PRPS2: variants seen among roughly 807,000 people sequenced by gnomAD.
PRPS2 encodes the protein phosphoribosyl pyrophosphate synthetase 2.
For synonymous variants in PRPS2, 111 were observed against 115.3 expected (o/e 0.96, Z 0.24); for missense variants, 104 against 271.5 (o/e 0.38, Z 4.34).
chrX:12,822,789 C>T lies in PRPS2; in HGVS notation c.950C>T (p.Pro317Leu), dbSNP rs761409545. 6.6e-6 allele frequency: 8 copies of T among 1,206,051 alleles called. No individual in the cohort carries two copies. The highest frequency in any genetic ancestry group is 9.0e-6 in the Non-Finnish European group (8 of 891,438). The change falls in exon 7 of 7, where the codon CCG becomes CTG. Residue 317 changes from proline (P) to leucine (L), a missense_variant. Pro to Leu is a moderately conservative substitution (Grantham distance 98). Transcript: ENST00000380668. The part of the protein sequence containing the change: ...ESVSYLFSHV[P>L]L ...GTGTCCTACCTGTTCAGCCATGTCC[C>T]GCTATAAATCCAGAATGGGAAGTGT...
At chrX:12,818,672 A>G (rs1375330729) in intron 4 of PRPS2, among the ~76,000 whole-genome samples, 1 of 112,228 alleles carries the variant, frequency 8.9e-6, no homozygotes, top group Admixed American at 9.4e-5. Context: ...GCTAAATTGC[A>G]TAATGACTGT....
chrX:12,821,454 G>T (rs1284612003), intron 6 of PRPS2, among the ~76,000 whole-genome samples: 1 of 109,818 alleles, frequency 9.1e-6, no homozygotes, highest in Non-Finnish European at 1.9e-5. Context: ...CTGGGGGTGG[G>T]GGGGGCAGTG....
chrX:12,802,666 T>C (rs1697548281), intron 2 of PRPS2, among the ~76,000 whole-genome samples: 2 of 112,727 alleles, frequency 1.8e-5, no homozygotes, highest in Non-Finnish European at 3.7e-5. Flanking sequence ...GGAACTGTGT[T>C]GTCTAACTAG....
At chrX:12,820,565 G>A (rs748427791) in intron 5 of PRPS2, 79 bp from the exon 6 acceptor site, 2 of 1,032,359 alleles carry the variant, frequency 1.9e-6, no homozygotes, top group East Asian at 6.2e-5. Flanking sequence ...CACACTTTGT[G>A]CTTTTACCAT....
intron 4 of PRPS2, among the ~76,000 whole-genome samples, chrX:12,814,436 C>T (rs982472977): frequency 1.8e-5 from 2 of 112,447 alleles, no homozygotes; most frequent in African/African-American, 6.5e-5. Flanking sequence ...AACTGACAGT[C>T]TCCTCAGAAC....
intron 1 of PRPS2, among the ~76,000 whole-genome samples, chrX:12,795,582 G>A (rs1376318057): frequency 2.7e-5 from 3 of 111,863 alleles, no homozygotes; most frequent in Admixed American, 9.5e-5. Context: ...GCAGAAGGGT[G>A]GAAGGGCAAG....
At chrX:12,801,480 C>G (rs2042570408) in intron 2 of PRPS2, among the ~76,000 whole-genome samples, 1 of 112,485 alleles carries the variant, frequency 8.9e-6, no homozygotes, top group African/African-American at 3.2e-5. Flanking sequence ...TGTGTTTCCA[C>G]AGGATTGTTT....
chrX:12,823,110 T>C lies in PRPS2; in HGVS notation c.*314T>C. 4.7e-6 allele frequency: 1 copy of C among 211,392 alleles called. No individual in the cohort carries two copies. Among genetic ancestry groups the C allele is most frequent in the South Asian group, 1.2e-4 (1 of 8,356 alleles). The allele number at this position is 211,392 out of a possible 1,213,427, so 17.4% of individuals were successfully genotyped here. On this transcript the variant is annotated 3_prime_UTR_variant, in exon 7 of 7. Coordinates refer to ENST00000380668, the MANE Select transcript of PRPS2 (RefSeq NM_002765.5). ...TTTCAGTACTTTGAGGCGACAACTT[T>C]CAAGTATATAATTTCATTGTGGAAG...
chrX:12,812,549 C>A (rs968292426), intron 4 of PRPS2, among the ~76,000 whole-genome samples: 1 of 111,794 alleles, frequency 8.9e-6, no homozygotes, highest in Non-Finnish European at 1.9e-5. Context: ...ATCACTTGAA[C>A]CTGGGAGGTG....
intron 3 of PRPS2, 70 bp downstream of exon 3, chrX:12,809,402 C>T (rs2042611406): frequency 9.6e-7 from 1 of 1,042,124 alleles, no homozygotes; most frequent in South Asian, 2.1e-5. Flanking sequence ...GGTAACATTA[C>T]TTGTGTTTGA....
At chrX:12,811,009 G>C (rs2042621391) in intron 4 of PRPS2, among the ~76,000 whole-genome samples, 1 of 111,859 alleles carries the variant, frequency 8.9e-6, no homozygotes, top group Admixed American at 9.4e-5. Flanking sequence ...GCCACATTCA[G>C]ATGTGGAGTG....
chrX:12,813,959 T>A (rs2042635606), intron 4 of PRPS2, among the ~76,000 whole-genome samples: 1 of 111,107 alleles, frequency 9.0e-6, no homozygotes, highest in African/African-American at 3.3e-5. Flanking sequence ...CTCTTAAAAT[T>A]TGTCTTCTCC....
At chrX:12,796,852 A>ATTTTTTTTTTTT (rs35240522) in intron 1 of PRPS2, among the ~76,000 whole-genome samples, 1 of 34,247 alleles carries the variant, frequency 2.9e-5, no homozygotes, top group African/African-American at 1.2e-4. Context: ...AGTATTTCAG[A>ATTTTTTTTTTTT]TTTTTTTTTT....
At chrX:12,812,042 T>C (rs1043925635) in intron 4 of PRPS2, among the ~76,000 whole-genome samples, 4 of 112,183 alleles carry the variant, frequency 3.6e-5, no homozygotes, top group Non-Finnish European at 7.5e-5. Context: ...ACGTAGCCTA[T>C]TACTGTACGG....
At chrX:12,798,134 A>C (rs1305309149) in intron 1 of PRPS2, among the ~76,000 whole-genome samples, 1 of 112,162 alleles carries the variant, frequency 8.9e-6, no homozygotes, top group Non-Finnish European at 1.9e-5. Context: ...TTTAGGGTGG[A>C]ATCTGGATTC....
Position 12,799,218 on chromosome X carries a change from G to T in PRPS2, c.134G>T (p.Gly45Val). 8.3e-7 allele frequency: 1 copy of T among 1,210,607 alleles called. No homozygotes were observed. ...FSNQETSVEI[G>V]ESVRGEDVYI... ...TTTTCTTTTCCTAGCGTGGAGATTG[G>T]TGAAAGCGTGAGAGGGGAAGATGTC... The change falls in exon 2 of 7, where the codon GGT (glycine) becomes GTT (valine). Residue 45 changes from glycine (G) to valine (V), a missense_variant. Transcript: ENST00000380668.
At chrX:12,796,847 T>C (rs936407105) in intron 1 of PRPS2, among the ~76,000 whole-genome samples, 1 of 85,238 alleles carries the variant, frequency 1.2e-5, no homozygotes, top group Admixed American at 1.4e-4. Flanking sequence ...CAACAAGTAT[T>C]TCAGATTTTT....
At chrX:12,796,665 A>G (rs1220242870) in intron 1 of PRPS2, among the ~76,000 whole-genome samples, 2 of 111,201 alleles carry the variant, frequency 1.8e-5, no homozygotes, top group Non-Finnish European at 3.8e-5. Flanking sequence ...ATAATGTGAC[A>G]TATGTATTCC....
chrX:12,815,334 A>G (rs1362306419), intron 4 of PRPS2, among the ~76,000 whole-genome samples: 4 of 110,524 alleles, frequency 3.6e-5, no homozygotes, highest in African/African-American at 1.3e-4. Context: ...GCTTGTGAGC[A>G]GGCTCGTGAG....
Sources: allele counts gnomAD v4.1 joint callset (sites outside exome capture counted in the v4.1 genomes callset), GRCh38; gene constraint gnomAD v4.1.1; transcripts MANE v1.5; gene names NCBI Gene and HGNC (gene_info 2026-07-23, HGNC 2026-07-21).